NDE1: variants seen among roughly 807,000 people sequenced by gnomAD.
NDE1 encodes nuclear distribution protein nudE homolog 1.
In NDE1, 28 loss-of-function variants were observed where a neutral mutation model predicts 43.4. The observed-to-expected ratio is 0.65, with a 90% CI of 0.48 to 0.89. The LOEUF (loss-of-function observed/expected upper bound fraction) is 0.89. NDE1 is among the 40% of genes least tolerant of loss of function. NDE1 has a pLI of 0.00. For missense variants in NDE1, 441 were observed against 434.1 expected (o/e 1.02, Z -0.14); for synonymous variants, 184 against 172.0 (o/e 1.07, Z -0.55).
intron 8 of NDE1, chr16:15,714,630 G>A: frequency 5.3e-6 from 3 of 566,800 alleles, no homozygotes; most frequent in Non-Finnish European, 9.5e-6. Context: ...AGACAGTGGG[G>A]ATAGCCTCTT....
chr16:15,724,605 T>G lies in NDE1; in HGVS notation c.*354T>G. 2 of 1,612,718 alleles carry G rather than the reference T, an allele frequency of 1.2e-6. No individual in the cohort carries two copies. Among genetic ancestry groups the G allele is most frequent in the South Asian group, 1.1e-5 (1 of 91,006 alleles). On this transcript the variant is annotated 3_prime_UTR_variant, in exon 9 of 9. Transcript: ENST00000396354. Reference sequence around the variant, plus strand: ...TGCGGGGGATCTCAGCGCAGAGAAGTTGAGAGGACCCATGAAGGAAGCAAG... The same window carrying G: ...TGCGGGGGATCTCAGCGCAGAGAAGGTGAGAGGACCCATGAAGGAAGCAAG...
intron 8 of NDE1, among the ~76,000 whole-genome samples, chr16:15,722,522 G>GT (rs1293672026): frequency 3.3e-5 from 5 of 152,312 alleles, no homozygotes; most frequent in African/African-American, 1.2e-4. Flanking sequence ...CACACTATGT[G>GT]TGCCACTGCA....
upstream of NDE1, among the ~76,000 whole-genome samples, chr16:15,647,907 C>T (rs150384202): frequency 6.6e-6 from 1 of 152,024 alleles, no homozygotes; most frequent in East Asian, 1.9e-4. Context: ...TTGGTGCACA[C>T]CTGTGGTCCT....
rs765435868 is a variant in NDE1 at position 15,720,902 on chromosome 16, G to C, written c.948-3289G>C. 8 of 1,613,704 alleles carry C rather than the reference G, an allele frequency of 5.0e-6. No homozygotes were observed. The highest frequency in any genetic ancestry group is 1.7e-4 in the Middle Eastern group (1 of 6,060). On this transcript the variant is annotated intron_variant, in intron 8 of 8. Coordinates refer to ENST00000396354, the MANE Select transcript of NDE1 (RefSeq NM_017668.3). ...CGTCCCGGGCTTGGAGATCCCTTTC[G>C]AACTGGCCCTTGAGCGCCTGCATGT...
upstream of NDE1, among the ~76,000 whole-genome samples, chr16:15,648,701 G>C (rs188736281): frequency 6.6e-6 from 1 of 152,232 alleles, no homozygotes; most frequent in Admixed American, 6.5e-5. Context: ...CCAGCTACTA[G>C]GGAGACTAAG....
At chr16:15,714,365 G>C (rs1007664696) in intron 8 of NDE1, 1 of 171,938 alleles carries the variant, frequency 5.8e-6, no homozygotes, top group Non-Finnish European at 1.3e-5. Flanking sequence ...GCAGGGTGGT[G>C]GGGGACTACT....
At position 15,725,699 on chromosome 16, in the gene NDE1, C is replaced by T. The variant is rs777652969; in HGVS notation, c.*1448C>T. 19 of 398,774 alleles carry T rather than the reference C, an allele frequency of 4.8e-5. No homozygotes were observed. The highest frequency in any genetic ancestry group is 1.4e-4 in the East Asian group (4 of 28,096). 24.7% of individuals were successfully genotyped at this position (398,774 alleles called of 1,614,324 possible). On this transcript the variant is annotated 3_prime_UTR_variant, in exon 9 of 9. Transcript: ENST00000396354. ...AAAACATCTCACTTAATTCTTCCCT[C>T]GCCCCTTGGTCCCTGGCTGTGGACA... is the stretch of plus-strand genomic sequence containing the variant.
chr16:15,649,088 CG>C (rs2036391549), upstream of NDE1, among the ~76,000 whole-genome samples: 1 of 150,818 alleles, frequency 6.6e-6, no homozygotes, highest in African/African-American at 2.4e-5. Flanking sequence ...CCCAGCTACT[CG>C]GGAGGCTGAA....
chr16:15,706,005 A>AAAAAAAAAAAT (rs2039432164), intron 8 of NDE1, among the ~76,000 whole-genome samples: 1 of 149,574 alleles, frequency 6.7e-6, no homozygotes, highest in Non-Finnish European at 1.5e-5. Flanking sequence ...AAAAAAAAAA[A>AAAAAAAAAAAT]TCAAGGCCCA....
Position 15,696,850 on chromosome 16 carries a change from G to T in NDE1, c.937G>T (p.Gly313Cys). 1 of 1,614,156 alleles carries T rather than the reference G, an allele frequency of 6.2e-7. No homozygotes were observed. The highest frequency in any genetic ancestry group is 8.5e-7 in the Non-Finnish European group (1 of 1,180,024). The change falls in exon 8 of 9, where the codon GGT (glycine) becomes TGT (cysteine). Residue 313 changes from glycine (G) to cysteine (C), a missense_variant. Gly to Cys is a radical substitution (Grantham distance 159). Coordinates refer to ENST00000396354, the MANE Select transcript of NDE1 (RefSeq NM_017668.3). ...GCCAAGCAGCACCAGCGTGCCTTTG[G>T]GTGATAAGGGGTCAGTACCTTCTAA... ...RRPSSTSVPL[G>C]DKGLDTSCRW...
At chr16:15,674,483 A>G (rs2037764663) in intron 3 of NDE1, among the ~76,000 whole-genome samples, 1 of 152,026 alleles carries the variant, frequency 6.6e-6, no homozygotes, top group Non-Finnish European at 1.5e-5. Context: ...TCCTGACCTC[A>G]GGTGATCCAC....
chr16:15,719,874 G>T (rs62029308), intron 8 of NDE1, among the ~76,000 whole-genome samples: 1 of 152,146 alleles, frequency 6.6e-6, no homozygotes. Context: ...GGCTGGTGGT[G>T]CGCTGGGAGC....
intron 8 of NDE1, among the ~76,000 whole-genome samples, chr16:15,698,013 A>C (rs1480056836): frequency 1.3e-5 from 2 of 151,818 alleles, no homozygotes; most frequent in Non-Finnish European, 2.9e-5. Context: ...TCACTGTGTT[A>C]GGATGGTCTT....
chr16:15,663,164 C>G (rs573691913), intron 1 of NDE1, among the ~76,000 whole-genome samples: 89 of 152,270 alleles, frequency 5.8e-4, no homozygotes, highest in Non-Finnish European at 1.0e-3. Context: ...CTCTAGCTCC[C>G]CTACAAGTGC....
chr16:15,698,693 T>A (rs922077424), intron 8 of NDE1, among the ~76,000 whole-genome samples: 1 of 151,864 alleles, frequency 6.6e-6, no homozygotes, highest in Non-Finnish European at 1.5e-5. Context: ...AAACCCTATC[T>A]ATACTAAAAA....
upstream of NDE1, among the ~76,000 whole-genome samples, chr16:15,649,943 G>C (rs1176069896): frequency 1.3e-5 from 2 of 152,216 alleles, no homozygotes; most frequent in African/African-American, 4.8e-5. Flanking sequence ...TGAAATGCGC[G>C]GCCCGCAAGC....
At chr16:15,708,798 G>A (rs770467844) in intron 8 of NDE1, 10 of 1,606,992 alleles carry the variant, frequency 6.2e-6, no homozygotes, top group South Asian at 1.1e-5. Flanking sequence ...CTGAAGGCAT[G>A]ATACCTGGTG....
intron 8 of NDE1, among the ~76,000 whole-genome samples, chr16:15,715,908 C>T (rs966730101): frequency 1.3e-5 from 2 of 152,082 alleles, no homozygotes; most frequent in African/African-American, 2.4e-5. Flanking sequence ...GGCAGATCAC[C>T]TGTGGTCAGG....
At chr16:15,696,994 C>G (rs1385280944) in intron 8 of NDE1, 134 bp downstream of exon 8, 3 of 1,536,912 alleles carry the variant, frequency 2.0e-6, no homozygotes, top group Non-Finnish European at 2.6e-6. Context: ...ATCCTCTCCT[C>G]TGCTCCCTGC....
Sources: allele counts gnomAD v4.1 joint callset (sites outside exome capture counted in the v4.1 genomes callset), GRCh38; gene constraint gnomAD v4.1.1; transcripts MANE v1.5; gene names NCBI Gene and HGNC (gene_info 2026-07-23, HGNC 2026-07-21).